TUSC3: variants seen among roughly 807,000 people sequenced by gnomAD.
TUSC3 encodes the protein tumor suppressor candidate 3, also known as dolichyl-diphosphooligosaccharide--protein glycosyltransferase subunit TUSC3.
TUSC3 carries 45 observed loss-of-function variants against 44.8 expected under a neutral mutation model. The observed-to-expected ratio is 1.00, with a 90% CI of 0.79 to 1.29. The LOEUF is 1.29. Among genes scored for constraint, TUSC3 ranks in the 50% most tolerant of loss-of-function variants. The pLI, the probability that TUSC3 is intolerant of heterozygous loss-of-function variation, is 0.00. For missense variants in TUSC3, 519 were observed against 437.9 expected, an observed-to-expected ratio of 1.19 and a Z score of -1.65; for synonymous variants, 212 against 152.9, an observed-to-expected ratio of 1.39 and a Z score of -2.85.
the TUSC3 span, among the ~76,000 whole-genome samples, chr8:15,800,800 T>C: frequency 6.6e-6 from 1 of 152,148 alleles, no homozygotes; most frequent in Admixed American, 6.5e-5. Context: ...ACAAGAAATA[T>C]GCAACATGTT....
intron 1 of TUSC3, among the ~76,000 whole-genome samples, chr8:15,435,834 CT>C (rs564670910): frequency 6.6e-6 from 1 of 152,000 alleles, no homozygotes. Flanking sequence ...AACAATGGTT[CT>C]TTTTTTTCTT....
chr8:15,716,618 A>T (rs530003687), intron 6 of TUSC3, among the ~76,000 whole-genome samples: 1 of 152,284 alleles, frequency 6.6e-6, no homozygotes, highest in Admixed American at 6.5e-5. Flanking sequence ...AAATCTCTGG[A>T]GAAATATTTT....
intron 2 of TUSC3, among the ~76,000 whole-genome samples, chr8:15,632,476 G>A (rs1426254431): frequency 6.6e-6 from 1 of 152,156 alleles, no homozygotes; most frequent in South Asian, 2.1e-4. Context: ...ATGGTTGTCA[G>A]ATCTCTCCAT....
chr8:15,643,488 TC>T (rs1164937224), intron 2 of TUSC3, among the ~76,000 whole-genome samples: 1 of 152,130 alleles, frequency 6.6e-6, no homozygotes, highest in African/African-American at 2.4e-5. Flanking sequence ...TGTATACACT[TC>T]AACATATTTT....
At chr8:15,426,868 C>G (rs1414245522) in intron 1 of TUSC3, among the ~76,000 whole-genome samples, 2 of 152,168 alleles carry the variant, frequency 1.3e-5, no homozygotes, top group African/African-American at 4.8e-5. Context: ...TACAAGGGTT[C>G]CACATTTTCT....
the TUSC3 span, among the ~76,000 whole-genome samples, chr8:15,833,410 TAC>T: frequency 6.6e-6 from 1 of 152,148 alleles, no homozygotes; most frequent in East Asian, 1.9e-4. Context: ...CATACACACA[TAC>T]GTTTATTCCA....
At chr8:15,565,591 A>G (rs914533241) in intron 1 of TUSC3, among the ~76,000 whole-genome samples, 4 of 152,160 alleles carry the variant, frequency 2.6e-5, no homozygotes, top group Non-Finnish European at 5.9e-5. Context: ...CTTTGGAGCT[A>G]TAGGCAGAGA....
the TUSC3 span, among the ~76,000 whole-genome samples, chr8:15,829,234 T>G: frequency 6.6e-6 from 1 of 152,202 alleles, no homozygotes; most frequent in African/African-American, 2.4e-5. Flanking sequence ...AAAAAAATGT[T>G]GCAAAGAATC....
chr8:15,504,798 G>C (rs1275686253), intron 2 of TUSC3, among the ~76,000 whole-genome samples: 1 of 150,000 alleles, frequency 6.7e-6, no homozygotes, highest in Non-Finnish European at 1.5e-5. Flanking sequence ...AACTACAGGT[G>C]CCTGCCACCA....
intron 1 of TUSC3, among the ~76,000 whole-genome samples, chr8:15,463,199 A>T (rs938126046): frequency 5.3e-5 from 8 of 152,098 alleles, no homozygotes; most frequent in Non-Finnish European, 1.2e-4. Context: ...AAAATTTTCC[A>T]TCAGGAGACT....
intron 2 of TUSC3, among the ~76,000 whole-genome samples, chr8:15,515,421 C>G (rs1047561851): frequency 1.3e-5 from 2 of 152,036 alleles, no homozygotes; most frequent in Non-Finnish European, 2.9e-5. Flanking sequence ...TCTAGCTGTG[C>G]ATTTTACTCA....
chr8:15,532,630 T>G (rs1801464694), intron 2 of TUSC3, among the ~76,000 whole-genome samples: 1 of 152,142 alleles, frequency 6.6e-6, no homozygotes, highest in South Asian at 2.1e-4. Context: ...CTTTTCACAA[T>G]TTACATGTGA....
At chr8:15,637,881 C>T (rs1470476763) in intron 2 of TUSC3, among the ~76,000 whole-genome samples, 1 of 152,106 alleles carries the variant, frequency 6.6e-6, no homozygotes, top group Non-Finnish European at 1.5e-5. Flanking sequence ...TATTCTGATT[C>T]TGAAATAATT....
At chr8:15,688,011 A>G (rs1370516425) in intron 6 of TUSC3, among the ~76,000 whole-genome samples, 1 of 152,172 alleles carries the variant, frequency 6.6e-6, no homozygotes, top group East Asian at 1.9e-4. Context: ...CAGAGGAGAA[A>G]GGATAAGAAC....
At chr8:15,484,313 T>C (rs1419559045) in intron 2 of TUSC3, among the ~76,000 whole-genome samples, 2 of 152,246 alleles carry the variant, frequency 1.3e-5, no homozygotes, top group African/African-American at 2.4e-5. Context: ...CCTTGTGTTA[T>C]CACATTAATC....
chr8:15,628,214 A>G (rs1180292456), intron 2 of TUSC3, among the ~76,000 whole-genome samples: 2 of 152,160 alleles, frequency 1.3e-5, no homozygotes, highest in Non-Finnish European at 2.9e-5. Flanking sequence ...TAATCATTAT[A>G]TTTTTATAAC....
chr8:15,534,658 A>C (rs894618932), intron 2 of TUSC3, among the ~76,000 whole-genome samples: 4 of 151,834 alleles, frequency 2.6e-5, no homozygotes, highest in South Asian at 4.2e-4. Flanking sequence ...AAAAAAAAAA[A>C]AAAACTTCAG....
chr8:15,427,591 A>T (rs1369874300), intron 1 of TUSC3, among the ~76,000 whole-genome samples: 1 of 152,070 alleles, frequency 6.6e-6, no homozygotes, highest in Non-Finnish European at 1.5e-5. Context: ...CCTTCTTCCA[A>T]ATGTACTTTC....
At chr8:15,567,816 G>A (rs550430975) in intron 1 of TUSC3, among the ~76,000 whole-genome samples, 1 of 152,102 alleles carries the variant, frequency 6.6e-6, no homozygotes, top group South Asian at 2.1e-4. Flanking sequence ...CTTAGCTAAG[G>A]ACTATCTCCT....
Sources: gnomAD v4.1 joint callset for allele counts (sites outside exome capture counted in the v4.1 genomes callset) on GRCh38, gnomAD v4.1.1 for gene constraint, MANE v1.5 for transcripts, NCBI Gene and HGNC (gene_info 2026-07-23, HGNC 2026-07-21) for gene names.